ZNF423: variants seen among roughly 807,000 people sequenced by gnomAD.
ZNF423 encodes the protein zinc finger protein 423.
In ZNF423, 12 loss-of-function variants were observed where a neutral mutation model predicts 95.8. The observed-to-expected ratio is 0.13, with a 90% CI of 0.08 to 0.20. ZNF423 has a LOEUF of 0.20. ZNF423 is among the 10% of genes least tolerant of loss of function. ZNF423 has a pLI of 1.00. For synonymous variants in ZNF423, 749 were observed against 711.9 expected (o/e 1.05, Z -0.83); for missense variants, 1,316 against 1,737.1 (o/e 0.76, Z 4.31).
intron 2 of ZNF423, among the ~76,000 whole-genome samples, chr16:49,755,661 C>T (rs923128658): frequency 1.3e-5 from 2 of 152,156 alleles, no homozygotes; most frequent in Non-Finnish European, 2.9e-5. Context: ...CATTAACCCT[C>T]GTTTACAGGG....
At chr16:49,500,920 G>C (rs1967373772) in intron 7 of ZNF423, among the ~76,000 whole-genome samples, 1 of 151,962 alleles carries the variant, frequency 6.6e-6, no homozygotes, top group African/African-American at 2.4e-5. Flanking sequence ...AAAGGCTATT[G>C]GGTGGACGGG....
At chr16:49,847,131 C>T (rs146678963) in intron 1 of ZNF423, 2 of 152,334 alleles carry the variant, frequency 1.3e-5, no homozygotes, top group East Asian at 1.9e-4. Flanking sequence ...AACGAAAGGG[C>T]AAATTTCAAT....
intron 5 of ZNF423, among the ~76,000 whole-genome samples, chr16:49,540,659 C>T (rs1888652146): frequency 1.3e-5 from 2 of 152,198 alleles, no homozygotes; most frequent in Non-Finnish European, 1.5e-5. Flanking sequence ...GCTTTAATCA[C>T]ACCCTGAATG....
chr16:49,530,637 C>T (rs1043993084), intron 5 of ZNF423, among the ~76,000 whole-genome samples: 4 of 152,180 alleles, frequency 2.6e-5, no homozygotes, highest in Non-Finnish European at 5.9e-5. Flanking sequence ...AATGCCATCA[C>T]TATGCACCCA....
chr16:49,520,062 A>T (rs1420375627), intron 7 of ZNF423, among the ~76,000 whole-genome samples: 1 of 152,106 alleles, frequency 6.6e-6, no homozygotes, highest in African/African-American at 2.4e-5. Flanking sequence ...GCTCTAGCCC[A>T]TTATTTGGTT....
chr16:49,683,963 T>C (rs2031468077), intron 3 of ZNF423, among the ~76,000 whole-genome samples: 1 of 152,036 alleles, frequency 6.6e-6, no homozygotes, highest in Non-Finnish European at 1.5e-5. Flanking sequence ...CCCAGCTACT[T>C]GGGAGGGTGA....
At chr16:49,840,577 C>T (rs1382901992) in intron 1 of ZNF423, among the ~76,000 whole-genome samples, 1 of 152,242 alleles carries the variant, frequency 6.6e-6, no homozygotes. Context: ...TGTCCCTGTA[C>T]TGAGAGTCTG....
intron 1 of ZNF423, among the ~76,000 whole-genome samples, chr16:49,800,391 C>A (rs996661297): frequency 3.9e-5 from 6 of 152,154 alleles, no homozygotes; most frequent in African/African-American, 1.4e-4. Context: ...AGACCCAGGA[C>A]AGCACACATG....
At chr16:49,648,715 G>A (rs552623675) in intron 3 of ZNF423, among the ~76,000 whole-genome samples, 3 of 152,204 alleles carry the variant, frequency 2.0e-5, no homozygotes, top group South Asian at 4.2e-4. Context: ...GCATGCTCCG[G>A]AGAAAAAGCT....
intron 5 of ZNF423, among the ~76,000 whole-genome samples, chr16:49,548,474 C>T (rs1406314111): frequency 1.3e-5 from 2 of 152,088 alleles, no homozygotes; most frequent in South Asian, 2.1e-4. Flanking sequence ...AACATGCCAG[C>T]TCTGACACCA....
intron 1 of ZNF423, among the ~76,000 whole-genome samples, chr16:49,853,014 C>T (rs1451216131): frequency 6.6e-6 from 1 of 152,214 alleles, no homozygotes; most frequent in African/African-American, 2.4e-5. Flanking sequence ...GTCTTTCCTT[C>T]CTGCTATGGA....
intron 5 of ZNF423, among the ~76,000 whole-genome samples, chr16:49,610,350 G>T (rs1971682783): frequency 6.6e-6 from 1 of 152,164 alleles, no homozygotes; most frequent in Non-Finnish European, 1.5e-5. Context: ...ACTGTCTGAT[G>T]TAGTACTAAA....
At chr16:49,689,063 G>A (rs993115128) in intron 3 of ZNF423, among the ~76,000 whole-genome samples, 2 of 152,184 alleles carry the variant, frequency 1.3e-5, no homozygotes, top group African/African-American at 4.8e-5. Flanking sequence ...GGAGGTTTGG[G>A]TGTAGGGATG....
rs139133083 is a variant in ZNF423 at position 49,832,577 on chromosome 16, G to A, written c.40+23158C>T. Among the ~76,000 whole-genome samples, 3 of 152,316 alleles carry A rather than the reference G, an allele frequency of 2.0e-5. No homozygotes were observed. The East Asian group carries it at 5.8e-4, about 29-fold the overall frequency. ...GCAGGTCCTGAGTGGGGCAAGAGGG[G>A]GAAGGGTACAGCCAAAAGATGCAGG... is the stretch of plus-strand genomic sequence containing the variant. On this transcript the variant is annotated intron_variant, in intron 1 of 7. Transcript: ENST00000563137.
intron 3 of ZNF423, among the ~76,000 whole-genome samples, chr16:49,727,636 C>T (rs1229889543): frequency 1.3e-5 from 2 of 152,168 alleles, no homozygotes; most frequent in Non-Finnish European, 2.9e-5. Context: ...GCTGACCCTG[C>T]CAGGACACAC....
chr16:49,623,435 G>A (rs1245650000), intron 5 of ZNF423, among the ~76,000 whole-genome samples: 6 of 152,264 alleles, frequency 3.9e-5, no homozygotes, highest in Non-Finnish European at 1.5e-5. Context: ...AGGCAAGGTA[G>A]AAGAGAGGAG....
chr16:49,507,173 C>T (rs1567430721), intron 7 of ZNF423, among the ~76,000 whole-genome samples: 2 of 152,144 alleles, frequency 1.3e-5, no homozygotes, highest in African/African-American at 4.8e-5. Flanking sequence ...TTAGAAGCTT[C>T]AAGTTAGATA....
intron 5 of ZNF423, among the ~76,000 whole-genome samples, chr16:49,614,298 C>A (rs910662587): frequency 6.6e-6 from 1 of 152,158 alleles, no homozygotes; most frequent in Non-Finnish European, 1.5e-5. Context: ...AGTGACAGAA[C>A]AAATGCTGGT....
intron 2 of ZNF423, among the ~76,000 whole-genome samples, chr16:49,756,430 G>A (rs2033727526): frequency 6.6e-6 from 1 of 152,140 alleles, no homozygotes. Flanking sequence ...TGAACATCAA[G>A]CGCTTGGAAA....
Sources: gnomAD v4.1 joint callset for allele counts (sites outside exome capture counted in the v4.1 genomes callset) on GRCh38, gnomAD v4.1.1 for gene constraint, MANE v1.5 for transcripts, NCBI Gene and HGNC (gene_info 2026-07-23, HGNC 2026-07-21) for gene names.